The following PPARGC1A variants were observed in gnomAD, a reference collection of about 807,000 sequenced individuals.
PPARGC1A encodes the protein peroxisome proliferator-activated receptor gamma coactivator 1-alpha.
In PPARGC1A, 25 loss-of-function variants were observed where a neutral mutation model predicts 88.7. The observed-to-expected ratio is 0.28, with a 90% CI of 0.21 to 0.39. The LOEUF (loss-of-function observed/expected upper bound fraction) is 0.39. PPARGC1A is among the 10% of genes least tolerant of loss of function. The pLI, the probability that PPARGC1A is intolerant of heterozygous loss-of-function variation, is 1.00. For synonymous variants in PPARGC1A, 363 were observed against 355.6 expected, an observed-to-expected ratio of 1.02 and a Z score of -0.24; for missense variants, 880 against 968.7, an observed-to-expected ratio of 0.91 and a Z score of 1.22.
At chr4:24,360,714 G>T in the PPARGC1A span, among the ~76,000 whole-genome samples, 1 of 152,148 alleles carries the variant, frequency 6.6e-6, no homozygotes, top group Non-Finnish European at 1.5e-5. Flanking sequence ...CTGCCTGAGA[G>T]CTCAGTATTG....
At chr4:24,418,421 C>T in the PPARGC1A span, among the ~76,000 whole-genome samples, 36 of 152,160 alleles carry the variant, frequency 2.4e-4, no homozygotes, top group African/African-American at 8.7e-4. Context: ...TACTGAAGTC[C>T]TACATGAGCC....
At chr4:23,953,187 T>C in the PPARGC1A span, among the ~76,000 whole-genome samples, 1 of 152,096 alleles carries the variant, frequency 6.6e-6, no homozygotes, top group Non-Finnish European at 1.5e-5. Context: ...ACAAGCTAAA[T>C]GTGTTGGATA....
At chr4:23,893,586 T>G (rs4383605), upstream of PPARGC1A, among the ~76,000 whole-genome samples, 32,926 of 152,092 alleles carry the variant, frequency 0.22, 4,731 homozygotes, top group Non-Finnish European at 0.32. Flanking sequence ...TGCAGCAAGT[T>G]GCTAGTAAAT....
chr4:24,448,595 T>C, the PPARGC1A span, among the ~76,000 whole-genome samples: 3 of 152,192 alleles, frequency 2.0e-5, no homozygotes, highest in South Asian at 2.1e-4. Flanking sequence ...GGTCTTATCA[T>C]CTCTGACCTT....
chr4:24,139,688 T>C, the PPARGC1A span, among the ~76,000 whole-genome samples: 1 of 152,126 alleles, frequency 6.6e-6, no homozygotes, highest in African/African-American at 2.4e-5. Flanking sequence ...CTGTGCATGT[T>C]AGCATCCTGT....
At chr4:24,314,258 C>G in the PPARGC1A span, among the ~76,000 whole-genome samples, 1 of 152,100 alleles carries the variant, frequency 6.6e-6, no homozygotes, top group Non-Finnish European at 1.5e-5. Flanking sequence ...TGTTCTTGTC[C>G]CCTCCAAAAT....
the PPARGC1A span, among the ~76,000 whole-genome samples, chr4:24,359,908 T>C: frequency 5.3e-5 from 8 of 152,214 alleles, no homozygotes; most frequent in African/African-American, 1.9e-4. Flanking sequence ...TTTTAAGCCA[T>C]TCAAGTTTGT....
the PPARGC1A span, among the ~76,000 whole-genome samples, chr4:24,191,509 T>C: frequency 1.3e-5 from 2 of 152,186 alleles, no homozygotes; most frequent in Admixed American, 6.5e-5. Flanking sequence ...ACTCCATTTG[T>C]TGTGATTTTC....
chr4:23,892,670 C>G (rs2970868), upstream of PPARGC1A, among the ~76,000 whole-genome samples: 6,551 of 151,818 alleles, frequency 0.043, 444 homozygotes, highest in African/African-American at 0.15. Context: ...TTCTCTTACT[C>G]TCTACCCACA....
the PPARGC1A span, among the ~76,000 whole-genome samples, chr4:23,935,588 C>T: frequency 6.6e-6 from 1 of 152,140 alleles, no homozygotes; most frequent in African/African-American, 2.4e-5. Context: ...TGCAATATGG[C>T]TTTTTCCATA....
At chr4:23,852,386 C>CT (rs1201514031) in intron 2 of PPARGC1A, among the ~76,000 whole-genome samples, 2 of 152,142 alleles carry the variant, frequency 1.3e-5, no homozygotes, top group Non-Finnish European at 2.9e-5. Context: ...GAGCTGATCA[C>CT]TTTACAGAGA....
chr4:24,177,554 C>G, the PPARGC1A span, among the ~76,000 whole-genome samples: 1 of 150,360 alleles, frequency 6.7e-6, no homozygotes, highest in Admixed American at 6.7e-5. Context: ...CAACATGGCA[C>G]ATGTATACAT....
At chr4:24,138,663 T>A in the PPARGC1A span, among the ~76,000 whole-genome samples, 1 of 152,158 alleles carries the variant, frequency 6.6e-6, no homozygotes, top group African/African-American at 2.4e-5. Context: ...CTTGTTCTTG[T>A]TAAGCAAGAG....
the PPARGC1A span, among the ~76,000 whole-genome samples, chr4:24,463,327 C>T: frequency 6.6e-6 from 1 of 152,296 alleles, no homozygotes; most frequent in South Asian, 2.1e-4. Flanking sequence ...TCCCACTTTT[C>T]CTTTTTTACT....
chr4:24,274,138 C>T, the PPARGC1A span, among the ~76,000 whole-genome samples: 1 of 152,108 alleles, frequency 6.6e-6, no homozygotes, highest in Non-Finnish European at 1.5e-5. Context: ...CATATTTCTA[C>T]TCATGCTACA....
chr4:24,415,413 G>A, the PPARGC1A span, among the ~76,000 whole-genome samples: 3 of 152,172 alleles, frequency 2.0e-5, no homozygotes, highest in Admixed American at 6.5e-5. Context: ...GCAACCTTAT[G>A]TTACAAATGA....
chr4:24,387,818 AAGAAAGAGAGAAAGAGAGAAAGAG>A, the PPARGC1A span, among the ~76,000 whole-genome samples: 2 of 81,076 alleles, frequency 2.5e-5, no homozygotes, highest in Non-Finnish European at 4.9e-5. Context: ...GAAAGAAAGA[AAGAAAGAGAGAAAGAGAGAAAGAG>A]AGAGAGAAAG....
At chr4:23,910,079 T>G in the PPARGC1A span, among the ~76,000 whole-genome samples, 7 of 140,596 alleles carry the variant, frequency 5.0e-5, no homozygotes, top group Non-Finnish European at 1.1e-4. Context: ...ACAATGAAAA[T>G]AGGCATGTAT....
chr4:24,045,734 C>T, the PPARGC1A span, among the ~76,000 whole-genome samples: 1 of 152,254 alleles, frequency 6.6e-6, no homozygotes, highest in South Asian at 2.1e-4. Flanking sequence ...TATGAAAAGA[C>T]TAAAAGACTA....
Sources: gnomAD v4.1 joint callset for allele counts (sites outside exome capture counted in the v4.1 genomes callset) on GRCh38, gnomAD v4.1.1 for gene constraint, MANE v1.5 for transcripts, NCBI Gene and HGNC (gene_info 2026-07-23, HGNC 2026-07-21) for gene names.